The following NALCN variants were observed in gnomAD, a reference collection of about 807,000 sequenced individuals.
NALCN encodes the protein sodium leak channel, non-selective, also known as sodium leak channel NALCN.
NALCN carries 111 observed loss-of-function variants against 225.3 expected under a neutral mutation model. That is an observed-to-expected ratio of 0.49 (90% confidence interval 0.42 to 0.58). NALCN has a LOEUF of 0.58. Ranked by LOEUF, NALCN falls within the 20% of genes least tolerant of loss-of-function variation. The probability of loss-of-function intolerance (pLI) is 0.00; values close to 1 mark genes in which losing one functional copy is unlikely to be tolerated. For missense variants in NALCN, 1,378 were observed against 2,202.4 expected (o/e 0.63, Z 7.49); for synonymous variants, 764 against 769.0 (o/e 0.99, Z 0.11).
chr13:101,157,318 T>G (rs592885), intron 15 of NALCN, among the ~76,000 whole-genome samples: 124,586 of 152,142 alleles, frequency 0.82, 51,243 homozygotes, highest in East Asian at 0.99. Context: ...TAGTGCTAGG[T>G]TTTTGGTCCC....
At chr13:101,088,900 T>A (rs534702336) in intron 30 of NALCN, among the ~76,000 whole-genome samples, 63 of 87,652 alleles carry the variant, frequency 7.2e-4, no homozygotes, top group African/African-American at 3.7e-3. Flanking sequence ...AATCTTTTTT[T>A]CTTTTTTTTC....
chr13:101,073,524 G>T, intron 37 of NALCN, 60 bp downstream of exon 37: 2 of 1,380,132 alleles, frequency 1.4e-6, no homozygotes, highest in Non-Finnish European at 2.0e-6. Context: ...CCAACATTGT[G>T]TTGCAAGAGT....
chr13:101,227,044 G>T (rs568146641), intron 13 of NALCN, among the ~76,000 whole-genome samples: 3 of 152,242 alleles, frequency 2.0e-5, no homozygotes, highest in Admixed American at 6.5e-5. Flanking sequence ...ACCTCCGGAC[G>T]CTGGAGAGCT....
intron 13 of NALCN, among the ~76,000 whole-genome samples, chr13:101,213,173 C>T (rs2040593388): frequency 6.6e-6 from 1 of 151,946 alleles, no homozygotes; most frequent in Non-Finnish European, 1.5e-5. Flanking sequence ...CTTTGACAAA[C>T]CTGACAAAAA....
chr13:101,103,850 T>C (rs1429341540), intron 25 of NALCN, among the ~76,000 whole-genome samples: 3 of 152,204 alleles, frequency 2.0e-5, no homozygotes, highest in East Asian at 1.9e-4. Context: ...GCAACTGCTA[T>C]AGCCAGGTAT....
At chr13:101,399,981 T>C (rs1396931764) in intron 1 of NALCN, among the ~76,000 whole-genome samples, 1 of 152,118 alleles carries the variant, frequency 6.6e-6, no homozygotes, top group Admixed American at 6.5e-5. Context: ...AGAATTGTTA[T>C]AAAGGCAGGT....
At chr13:101,396,756 A>G (rs1172885500) in intron 2 of NALCN, among the ~76,000 whole-genome samples, 1 of 152,158 alleles carries the variant, frequency 6.6e-6, no homozygotes, top group East Asian at 1.9e-4. Flanking sequence ...GCTTCCAAAT[A>G]TAAGTTCTTC....
intron 6 of NALCN, among the ~76,000 whole-genome samples, chr13:101,354,871 T>G (rs936669847): frequency 6.6e-6 from 1 of 152,190 alleles, no homozygotes; most frequent in Non-Finnish European, 1.5e-5. Flanking sequence ...CTGATATAGT[T>G]TGGATATTTG....
intron 20 of NALCN, among the ~76,000 whole-genome samples, chr13:101,108,441 C>A (rs1321343552): frequency 6.6e-6 from 1 of 152,052 alleles, no homozygotes; most frequent in Non-Finnish European, 1.5e-5. Flanking sequence ...TAAGAGGATG[C>A]TTAGTGATCC....
chr13:101,100,244 G>T (rs1389098642), intron 27 of NALCN, among the ~76,000 whole-genome samples: 1 of 152,184 alleles, frequency 6.6e-6, no homozygotes, highest in Non-Finnish European at 1.5e-5. Context: ...GCTGTTTGCT[G>T]ATATGAGTCT....
At chr13:101,192,083 C>T in intron 13 of NALCN, 29 bp from the exon 14 acceptor site, 1 of 1,578,108 alleles carries the variant, frequency 6.3e-7, no homozygotes, top group Non-Finnish European at 8.5e-7. Flanking sequence ...AGGTATTACA[C>T]ACTAGCTTTA....
At chr13:101,113,892 T>A (rs1385478288) in intron 18 of NALCN, among the ~76,000 whole-genome samples, 3 of 152,218 alleles carry the variant, frequency 2.0e-5, no homozygotes, top group Admixed American at 6.5e-5. Context: ...GACCACTTTA[T>A]CACTCAGCCT....
At chr13:101,230,785 T>C (rs2041313027) in intron 12 of NALCN, among the ~76,000 whole-genome samples, 2 of 152,180 alleles carry the variant, frequency 1.3e-5, no homozygotes, top group South Asian at 4.1e-4. Flanking sequence ...TTTGTATTTT[T>C]GGATCTTTGT....
chr13:101,180,176 A>AT (rs2039136918), intron 14 of NALCN, among the ~76,000 whole-genome samples: 1 of 142,668 alleles, frequency 7.0e-6, no homozygotes, highest in Non-Finnish European at 1.5e-5. Flanking sequence ...GTAGGGGCCC[A>AT]TTTAATCCAC....
At chr13:101,184,962 C>A (rs543334077) in intron 14 of NALCN, among the ~76,000 whole-genome samples, 1 of 149,514 alleles carries the variant, frequency 6.7e-6, no homozygotes, top group Non-Finnish European at 1.5e-5. Context: ...ATCTTATTTT[C>A]TTCTTTGCTG....
At chr13:101,399,241 C>T in intron 1 of NALCN, 76 bp from the exon 2 acceptor site, 1 of 994,854 alleles carries the variant, frequency 1.0e-6, no homozygotes, top group Non-Finnish European at 1.5e-6. Context: ...CCACATATAT[C>T]TACTTATTTG....
chr13:101,256,425 A>C (rs1644957889), intron 11 of NALCN, among the ~76,000 whole-genome samples: 1 of 152,132 alleles, frequency 6.6e-6, no homozygotes, highest in South Asian at 2.1e-4. Flanking sequence ...AAAATCCCTA[A>C]AGGTGGATTG....
At chr13:101,160,711 T>C (rs189562191) in intron 15 of NALCN, among the ~76,000 whole-genome samples, 24 of 152,294 alleles carry the variant, frequency 1.6e-4, no homozygotes, top group African/African-American at 5.8e-4. Context: ...TGCCTTATGG[T>C]ACAAAGTAAC....
At chr13:101,108,550 T>C (rs1439946716) in intron 20 of NALCN, among the ~76,000 whole-genome samples, 1 of 152,170 alleles carries the variant, frequency 6.6e-6, no homozygotes, top group Non-Finnish European at 1.5e-5. Flanking sequence ...GACCTCAATA[T>C]GAAGGTGCTA....
Sources: gnomAD v4.1 joint callset for allele counts (sites outside exome capture counted in the v4.1 genomes callset) on GRCh38, gnomAD v4.1.1 for gene constraint, MANE v1.5 for transcripts, NCBI Gene and HGNC (gene_info 2026-07-23, HGNC 2026-07-21) for gene names.